Variants in EEA1 observed in about 807,000 individuals in gnomAD.
EEA1 encodes the protein early endosome antigen 1, also known as early endosome antigen 1, 162kD.
Under a neutral mutation model 209.2 loss-of-function variants are expected in EEA1, and 111 were observed. That is an observed-to-expected ratio of 0.53 (90% CI 0.45 to 0.62). EEA1 has a LOEUF of 0.62. Ranked by LOEUF, EEA1 falls within the 20% of genes least tolerant of loss-of-function variation. The probability of loss-of-function intolerance (pLI) is 0.00; values close to 1 mark genes in which losing one functional copy is unlikely to be tolerated. For missense variants in EEA1, 1,343 were observed against 1,530.8 expected, an observed-to-expected ratio of 0.88 and a Z score of 2.05; for synonymous variants, 536 against 540.6, an observed-to-expected ratio of 0.99 and a Z score of 0.12.
At chr12:92,831,306 G>A (rs1876616943) in intron 11 of EEA1, among the ~76,000 whole-genome samples, 1 of 151,330 alleles carries the variant, frequency 6.6e-6, no homozygotes. Flanking sequence ...TTAGAACACA[G>A]GTATTAAAAA....
chr12:92,853,288 A>C (rs1877717980), intron 6 of EEA1, among the ~76,000 whole-genome samples: 1 of 152,174 alleles, frequency 6.6e-6, no homozygotes. Flanking sequence ...AGTTATTTTG[A>C]TTTCACATTT....
At chr12:92,868,274 T>A (rs78471728) in intron 2 of EEA1, among the ~76,000 whole-genome samples, 6,272 of 152,298 alleles carry the variant, frequency 0.041, 425 homozygotes, top group African/African-American at 0.14. Context: ...CAAAACCATC[T>A]GTTGGCATTC....
At chr12:92,795,560 A>C (rs540286108) in intron 21 of EEA1, among the ~76,000 whole-genome samples, 25 of 152,236 alleles carry the variant, frequency 1.6e-4, no homozygotes, top group Non-Finnish European at 3.5e-4. Context: ...TTAACAGCCT[A>C]GATAAGAGAA....
At chr12:92,788,198 C>A in intron 21 of EEA1, 149 bp from the exon 22 acceptor site, 1 of 463,564 alleles carries the variant, frequency 2.2e-6, no homozygotes, top group Non-Finnish European at 3.6e-6. Context: ...GGGTAAATTA[C>A]TTATAAAGTC....
At chr12:92,894,235 T>C (rs55896739) in intron 1 of EEA1, among the ~76,000 whole-genome samples, 1,865 of 152,162 alleles carry the variant, frequency 0.012, 16 homozygotes, top group Non-Finnish European at 0.018. Flanking sequence ...CACTGGCCAT[T>C]TCCCAGTCTC....
chr12:92,840,500 T>C (rs1004295858), intron 10 of EEA1, among the ~76,000 whole-genome samples: 1 of 152,100 alleles, frequency 6.6e-6, no homozygotes, highest in African/African-American at 2.4e-5. Flanking sequence ...TTTAATAGAA[T>C]GGGATTTCAC....
intron 28 of EEA1, 22 bp from the exon 29 acceptor site, chr12:92,776,155 C>CA (rs780693486): frequency 1.3e-6 from 2 of 1,589,842 alleles, no homozygotes; most frequent in South Asian, 2.3e-5. Flanking sequence ...AAAAATTAAA[C>CA]AATTTCAAGA....
intron 18 of EEA1, among the ~76,000 whole-genome samples, chr12:92,805,926 A>T (rs533398500): frequency 1.3e-5 from 2 of 152,216 alleles, no homozygotes; most frequent in African/African-American, 4.8e-5. Context: ...AGTGCAAATT[A>T]GAAAAAAGAT....
In EEA1 at chr12:92,778,027, T is replaced by C. The variant is rs1873736464; in HGVS notation, c.3807A>G (p.Lys1269=). Residue 1269 remains lysine (K), a synonymous_variant, in exon 26 of 29, where the codon AAA becomes AAG. Coordinates refer to ENST00000322349, the MANE Select transcript of EEA1 (RefSeq NM_003566.4). ...SSQRRVSELE[K]QTDDLRGEIA... Reference sequence around the variant, plus strand: ...TTTCACCCCGTAAGTCATCCGTTTGTTTCTCAAGCTCACTAACTCTCCGTT... The same window carrying C: ...TTTCACCCCGTAAGTCATCCGTTTGCTTCTCAAGCTCACTAACTCTCCGTT... 3 of 1,613,604 alleles carry C rather than the reference T, an allele frequency of 1.9e-6. No individual in the cohort carries two copies. The highest frequency in any genetic ancestry group is 2.5e-6 in the Non-Finnish European group (3 of 1,179,612).
At chr12:92,790,814 A>C (rs550808432) in intron 21 of EEA1, among the ~76,000 whole-genome samples, 32 of 152,280 alleles carry the variant, frequency 2.1e-4, no homozygotes, top group Non-Finnish European at 1.0e-4. Context: ...TCCAAGACAC[A>C]TAATTGTCAG....
At chr12:92,871,468 T>C (rs929903714) in intron 2 of EEA1, among the ~76,000 whole-genome samples, 1 of 152,228 alleles carries the variant, frequency 6.6e-6, no homozygotes, top group African/African-American at 2.4e-5. Context: ...TCGTGCACTT[T>C]CTGGTAATGC....
At chr12:92,806,112 ACG>A (rs2136670507) in intron 18 of EEA1, among the ~76,000 whole-genome samples, 1 of 152,306 alleles carries the variant, frequency 6.6e-6, no homozygotes, top group African/African-American at 2.4e-5. Context: ...AGACACAGTG[ACG>A]CTTTCACATT....
chr12:92,826,728 A>G (rs894868930), intron 12 of EEA1, among the ~76,000 whole-genome samples: 7 of 85,930 alleles, frequency 8.1e-5, no homozygotes, highest in South Asian at 2.8e-4. Flanking sequence ...AAAAAAAAAA[A>G]AAAGAAAAGA....
intron 22 of EEA1, among the ~76,000 whole-genome samples, chr12:92,785,048 A>G (rs1197452580): frequency 6.7e-6 from 1 of 149,492 alleles, no homozygotes; most frequent in Admixed American, 6.6e-5. Flanking sequence ...AAAAAACTTC[A>G]TATTTTTAGT....
chr12:92,882,420 T>G (rs535712464), intron 2 of EEA1, among the ~76,000 whole-genome samples: 4 of 151,976 alleles, frequency 2.6e-5, no homozygotes, highest in African/African-American at 9.7e-5. Flanking sequence ...TTTTTTTTTT[T>G]TCCACTTTTA....
chr12:92,901,245 T>C (rs1160524279), intron 1 of EEA1, among the ~76,000 whole-genome samples: 2 of 151,880 alleles, frequency 1.3e-5, no homozygotes, highest in Admixed American at 1.3e-4. Context: ...AAAGATGAGG[T>C]CTCTGTATGT....
intron 9 of EEA1, among the ~76,000 whole-genome samples, chr12:92,844,609 C>T (rs1252532130): frequency 6.6e-6 from 1 of 152,022 alleles, no homozygotes; most frequent in Non-Finnish European, 1.5e-5. Flanking sequence ...GAGTTTATTT[C>T]AAATTACTAT....
At chr12:92,913,221 T>C (rs1037045340) in intron 1 of EEA1, among the ~76,000 whole-genome samples, 14 of 152,244 alleles carry the variant, frequency 9.2e-5, no homozygotes, top group African/African-American at 3.4e-4. Flanking sequence ...TTTTGTTTTT[T>C]AATTTTTTGT....
At chr12:92,861,130 G>C (rs1592742794) in intron 3 of EEA1, among the ~76,000 whole-genome samples, 2 of 152,264 alleles carry the variant, frequency 1.3e-5, no homozygotes, top group Admixed American at 6.5e-5. Context: ...TTCTGCAGGA[G>C]AGAGATTTCA....
Sources: gnomAD v4.1 joint callset for allele counts (sites outside exome capture counted in the v4.1 genomes callset) on GRCh38, gnomAD v4.1.1 for gene constraint, MANE v1.5 for transcripts, NCBI Gene and HGNC (gene_info 2026-07-23, HGNC 2026-07-21) for gene names.